Variants in ZNF44 observed in about 807,000 individuals in gnomAD.
ZNF44 encodes zinc finger protein 44.
In ZNF44, 9 loss-of-function variants were observed where a neutral mutation model predicts 11.7. The observed-to-expected ratio is 0.77, with a 90% CI of 0.46 to 1.35. The LOEUF (loss-of-function observed/expected upper bound fraction) is 1.35, where lower values mean the gene tolerates loss of function less well. Ranked by LOEUF, ZNF44 falls within the 40% of genes most tolerant of loss-of-function variation. ZNF44 has a pLI of 0.00. For synonymous variants in ZNF44, 224 were observed against 242.7 expected (o/e 0.92, Z 0.72); for missense variants, 696 against 743.1 (o/e 0.94, Z 0.74).
chr19:12,268,182 A>ACACACACACACACACACACACACAC (rs1555739617), downstream of ZNF44, among the ~76,000 whole-genome samples: 2 of 99,472 alleles, frequency 2.0e-5, no homozygotes, highest in African/African-American at 3.7e-5. Flanking sequence ...ACACACACAC[A>ACACACACACACACACACACACACAC]AGCTCCTTCC....
intron 1 of ZNF44, among the ~76,000 whole-genome samples, chr19:12,235,136 G>C (rs34493209): frequency 0.09 from 13,645 of 151,950 alleles, 650 homozygotes; most frequent in Non-Finnish European, 0.098. Context: ...CAACACTTTG[G>C]GGGGCAGAGG....
chr19:12,252,620 G>GCCC (rs1917053102), intron 5 of ZNF44, among the ~76,000 whole-genome samples: 1 of 152,066 alleles, frequency 6.6e-6, no homozygotes, highest in African/African-American at 2.4e-5. Flanking sequence ...GAGGAATTGG[G>GCCC]AATACTCTAT....
upstream of ZNF44, among the ~76,000 whole-genome samples, chr19:12,240,444 C>CCAAA (rs1916574710): frequency 2.0e-5 from 2 of 102,370 alleles, no homozygotes; most frequent in African/African-American, 7.2e-5. Context: ...GATTCTATCT[C>CCAAA]AAAAAAAAAA....
downstream of ZNF44, among the ~76,000 whole-genome samples, chr19:12,270,979 A>T (rs117087364): frequency 1.1e-4 from 17 of 152,236 alleles, no homozygotes; most frequent in East Asian, 3.3e-3. Context: ...GAATATCTTA[A>T]ATGTTGCAAA....
intron 1 of ZNF44, among the ~76,000 whole-genome samples, chr19:12,278,548 T>C (rs567561182): frequency 2.0e-5 from 3 of 151,970 alleles, no homozygotes; most frequent in Non-Finnish European, 4.4e-5. Context: ...CTGGGCAATG[T>C]GGGGAGACCT....
At chr19:12,243,723 T>C (rs185195113), downstream of ZNF44, among the ~76,000 whole-genome samples, 1 of 147,194 alleles carries the variant, frequency 6.8e-6, no homozygotes, top group Non-Finnish European at 1.5e-5. Context: ...GTAGTTTTTG[T>C]TTTTTTTTGC....
chr19:12,236,379 C>T (rs1001170986), intron 1 of ZNF44, among the ~76,000 whole-genome samples: 2 of 152,166 alleles, frequency 1.3e-5, no homozygotes, highest in Non-Finnish European at 2.9e-5. Context: ...ACACCAAAAT[C>T]GGACACAAAT....
At chr19:12,247,103 C>T (rs1046528991), downstream of ZNF44, among the ~76,000 whole-genome samples, 6 of 151,830 alleles carry the variant, frequency 4.0e-5, no homozygotes, top group Non-Finnish European at 5.9e-5. Flanking sequence ...CTGATAAATA[C>T]ATTTATAATA....
chr19:12,242,426 C>T (rs1055445900), upstream of ZNF44, among the ~76,000 whole-genome samples: 10 of 150,614 alleles, frequency 6.6e-5, no homozygotes, highest in African/African-American at 1.7e-4. Context: ...AGGAGAATAG[C>T]GTGAACCTGG....
downstream of ZNF44, among the ~76,000 whole-genome samples, chr19:12,271,188 T>C (rs931830342): frequency 2.2e-4 from 33 of 152,164 alleles, no homozygotes; most frequent in South Asian, 6.2e-4. Flanking sequence ...TTAAAGATAA[T>C]CAACCTCAGC....
In ZNF44 at chr19:12,284,694, G is replaced by A. The variant is rs930235169; in HGVS notation, c.4-8612C>T. 8.3e-5 allele frequency: 61 copies of A among 737,500 alleles called. 1 individual carries two copies. Among genetic ancestry groups the A allele is most frequent in the Non-Finnish European group, 1.1e-4 (44 of 416,658 alleles). 45.7% of individuals were successfully genotyped at this position (737,500 alleles called of 1,614,324 possible). On this transcript the variant is annotated intron_variant, in intron 1 of 3. Transcript: ENST00000355684. The stretch of plus-strand genomic sequence containing the variant: ...CAGGTTCAAGGCGTTTGTTGCCATC[G>A]GGGACTACAATGGCCATGTCCGTCT...
chr19:12,286,719 G>C (rs747691353), intron 1 of ZNF44, among the ~76,000 whole-genome samples: 8 of 151,642 alleles, frequency 5.3e-5, no homozygotes, highest in African/African-American at 9.7e-5. Context: ...GGGAGGCTGA[G>C]GCAGGTGGAT....
At chr19:12,229,253 T>G (rs1016986365) in intron 3 of ZNF44, among the ~76,000 whole-genome samples, 9 of 152,198 alleles carry the variant, frequency 5.9e-5, no homozygotes, top group Non-Finnish European at 1.2e-4. Flanking sequence ...GGTGGTGCCC[T>G]TTAAGAACAG....
At position 12,272,563 on chromosome 19, in the gene ZNF44, G is replaced by A. The variant is rs200231707; in HGVS notation, c.1692C>T (p.His564=). 23 of 1,612,158 alleles carry A rather than the reference G, an allele frequency of 1.4e-5. No individual in the cohort carries two copies. Among genetic ancestry groups the A allele is most frequent in the African/African-American group, 6.7e-5 (5 of 74,796 alleles). The change falls in exon 4 of 4, where the codon CAC becomes CAT. Residue 564 remains histidine, a synonymous_variant. Coordinates refer to ENST00000355684, the MANE Select transcript of ZNF44 (RefSeq NM_016264.4). The part of the protein sequence containing the change: ...HTGERPYECK[H]CGKAFSRSSF... ...TGGAACGACTGAAGGCTTTACCACA[G>A]TGTTTACATTCATAGGGTCTTTCTC...
intron 5 of ZNF44, among the ~76,000 whole-genome samples, chr19:12,256,705 T>TG (rs1568432067): frequency 6.9e-6 from 1 of 145,956 alleles, no homozygotes; most frequent in East Asian, 2.0e-4. Flanking sequence ...CTCTTTTTTT[T>TG]TTTTTTTTTT....
intron 3 of ZNF44, among the ~76,000 whole-genome samples, chr19:12,229,618 T>C (rs763858642): frequency 2.4e-4 from 21 of 86,796 alleles, no homozygotes; most frequent in Non-Finnish European, 3.6e-4. Flanking sequence ...AAGAAAGATA[T>C]TTTTTTTTTT....
In ZNF44 at chr19:12,263,084, CT is replaced by C. The variant is rs113781753; in HGVS notation, c.1912+9402del. Among the ~76,000 whole-genome samples the C allele has an allele frequency of 5.5e-3, 792 of 143,084 alleles. 3 individuals carry two copies. The highest frequency in any genetic ancestry group is 0.014 in the African/African-American group (555 of 39,174). The allele number at this position is 143,084 out of a possible 152,430, so 93.9% of individuals were successfully genotyped here. A position where few individuals can be genotyped will look rare whatever the true frequency, so the allele number is the denominator to read the frequency against. On this transcript the variant is annotated intron_variant and NMD_transcript_variant, in intron 5 of 7. Transcript: ENST00000393337. Reference sequence around the variant, plus strand: ...CAAATGAACTCTCAAATTCATCAATCTTTTTTTTTTTTTTTCCGGAGACGGA... The same window carrying C: ...CAAATGAACTCTCAAATTCATCAATCTTTTTTTTTTTTTTCCGGAGACGGA...
At position 12,261,479 on chromosome 19, in the gene ZNF44, T is replaced by C. The variant is rs79039226; in HGVS notation, c.1912+11008A>G. On this transcript the variant is annotated intron_variant and NMD_transcript_variant, in intron 5 of 7. Coordinates refer to the ZNF44 transcript ENST00000393337. ...CCAGACCCCATCTCTATATAAAAAATGAAGTAGCTGGGTGTGCTGGCATGT... is the reference window on the plus strand; with the variant it reads ...CCAGACCCCATCTCTATATAAAAAACGAAGTAGCTGGGTGTGCTGGCATGT... Among the ~76,000 whole-genome samples the C allele has an allele frequency of 7.9e-3, 1,200 of 152,144 alleles. 9 individuals carry two copies. The highest frequency in any genetic ancestry group is 0.028 in the African/African-American group (1,146 of 41,486).
At position 12,249,507 on chromosome 19, in the gene ZNF44, G is replaced by GGA. The variant is rs1272050226; in HGVS notation, c.*186+470_*186+471insTC. On this transcript the variant is annotated intron_variant and NMD_transcript_variant, in intron 7 of 7. Transcript: ENST00000393337. ...GGCGACAGAGCAAGACTCCGTCTCAGAAAAAAAAAAAAAAAAAAGAAAAGA... is the reference window on the plus strand; with the variant it reads ...GGCGACAGAGCAAGACTCCGTCTCAGGAAAAAAAAAAAAAAAAAAAGAAAAGA... 1.3e-3 allele frequency among the ~76,000 whole-genome samples: 82 copies of GGA among 60,748 alleles called. 2 individuals carry two copies. The highest frequency in any genetic ancestry group is 4.1e-3 in the East Asian group (7 of 1,726). The allele number at this position is 60,748 out of a possible 152,430, so 39.9% of individuals were successfully genotyped here. A position where few individuals can be genotyped will look rare whatever the true frequency, so the allele number is the denominator to read the frequency against.
Sources: gnomAD v4.1 joint callset for allele counts (sites outside exome capture counted in the v4.1 genomes callset) on GRCh38, gnomAD v4.1.1 for gene constraint, MANE v1.5 for transcripts, NCBI Gene and HGNC (gene_info 2026-07-23, HGNC 2026-07-21) for gene names.